Variants in SOX5 observed in about 807,000 individuals in gnomAD.
SOX5 encodes the protein SRY-box transcription factor 5, also known as transcription factor SOX-5.
SOX5 carries 9 observed loss-of-function variants against 92.0 expected under a neutral mutation model. That is an observed-to-expected ratio of 0.10 (90% CI 0.06 to 0.17). The LOEUF is 0.17. Ranked by LOEUF, SOX5 falls within the 10% of genes least tolerant of loss-of-function variation. SOX5 has a pLI of 1.00. For missense variants in SOX5, 642 were observed against 944.5 expected (o/e 0.68, Z 4.20); for synonymous variants, 344 against 336.3 (o/e 1.02, Z -0.25).
chr12:24,537,509 A>G (rs1951745757), intron 1 of SOX5, among the ~76,000 whole-genome samples: 1 of 152,232 alleles, frequency 6.6e-6, no homozygotes, highest in Non-Finnish European at 1.5e-5. Context: ...CGTCAACTGC[A>G]GTATATAACA....
intron 4 of SOX5, among the ~76,000 whole-genome samples, chr12:23,979,705 TTG>T (rs1344518431): frequency 0.038 from 2,859 of 75,780 alleles, 1,014 homozygotes; most frequent in African/African-American, 0.083. Flanking sequence ...TATGTTTTTT[TTG>T]TTTTTTTTTT....
chr12:24,045,783 G>C (rs1054033919), intron 4 of SOX5, among the ~76,000 whole-genome samples: 47 of 152,332 alleles, frequency 3.1e-4, no homozygotes, highest in African/African-American at 1.1e-3. Context: ...CCTCTGTACA[G>C]GGGAATCCTT....
At chr12:24,417,734 T>C (rs1294610052) in intron 1 of SOX5, among the ~76,000 whole-genome samples, 1 of 152,132 alleles carries the variant, frequency 6.6e-6, no homozygotes, top group Non-Finnish European at 1.5e-5. Flanking sequence ...TCTGGAAGCC[T>C]GGAGAAAAGG....
At chr12:23,753,997 GT>G (rs2141211169) in intron 4 of SOX5, among the ~76,000 whole-genome samples, 1 of 151,882 alleles carries the variant, frequency 6.6e-6, no homozygotes, top group Non-Finnish European at 1.5e-5. Context: ...AGAAAACAGT[GT>G]TTTGAACAGA....
At chr12:23,599,401 G>A (rs538913148) in intron 9 of SOX5, among the ~76,000 whole-genome samples, 37 of 152,284 alleles carry the variant, frequency 2.4e-4, no homozygotes, top group Admixed American at 3.9e-4. Context: ...AGAAGTATTC[G>A]AAAAGAACAA....
chr12:23,766,669 C>A (rs529140507), intron 3 of SOX5, among the ~76,000 whole-genome samples: 6 of 152,122 alleles, frequency 3.9e-5, no homozygotes, highest in Admixed American at 6.5e-5. Flanking sequence ...TTTACTAACA[C>A]CACACTATCA....
chr12:24,504,765 C>T (rs1424332878), intron 1 of SOX5, among the ~76,000 whole-genome samples: 1 of 152,036 alleles, frequency 6.6e-6, no homozygotes, highest in Non-Finnish European at 1.5e-5. Flanking sequence ...ACATTATTTC[C>T]TTTGAGTTCA....
chr12:23,682,347 G>A lies in SOX5; in HGVS notation c.811-16783C>T, dbSNP rs560172701. On this transcript the variant is annotated intron_variant, in intron 6 of 14. Coordinates refer to ENST00000451604, the MANE Select transcript of SOX5 (RefSeq NM_006940.6). Reference sequence around the variant, plus strand: ...TTTGCCTTTAACTTTAGGTTTATGAGGTATATTTTAGAAGAGGCTGAAACA... The same window carrying A: ...TTTGCCTTTAACTTTAGGTTTATGAAGTATATTTTAGAAGAGGCTGAAACA... Among the ~76,000 whole-genome samples, 451 of 151,828 alleles carry A rather than the reference G, an allele frequency of 3.0e-3. 2 individuals are homozygous for A. The highest frequency in any genetic ancestry group is 9.8e-3 in the African/African-American group (406 of 41,522).
At chr12:24,446,907 C>A (rs558248816) in intron 1 of SOX5, among the ~76,000 whole-genome samples, 4 of 152,104 alleles carry the variant, frequency 2.6e-5, no homozygotes, top group African/African-American at 9.7e-5. Flanking sequence ...CAGAAGCCAA[C>A]CTGAAGGAGC....
chr12:23,614,799 A>G (rs540016775), intron 8 of SOX5, among the ~76,000 whole-genome samples: 53 of 152,100 alleles, frequency 3.5e-4, no homozygotes, highest in Non-Finnish European at 6.5e-4. Flanking sequence ...CAGTTTCTCT[A>G]TATTTTCTTT....
chr12:23,991,217 G>A, intron 4 of SOX5, among the ~76,000 whole-genome samples: 1 of 150,218 alleles, frequency 6.7e-6, no homozygotes, highest in East Asian at 2.0e-4. Context: ...TTAAAAATTA[G>A]CCAGGCATGG....
At chr12:24,149,892 T>C (rs753189962) in intron 4 of SOX5, among the ~76,000 whole-genome samples, 1 of 152,026 alleles carries the variant, frequency 6.6e-6, no homozygotes, top group East Asian at 1.9e-4. Context: ...ATAATTATGG[T>C]GAGTAAAACC....
At chr12:23,995,141 G>A (rs1388705481) in intron 4 of SOX5, among the ~76,000 whole-genome samples, 1 of 152,162 alleles carries the variant, frequency 6.6e-6, no homozygotes, top group Non-Finnish European at 1.5e-5. Flanking sequence ...AACAAGATTT[G>A]TGAGAGTCTT....
intron 4 of SOX5, among the ~76,000 whole-genome samples, chr12:24,168,657 T>A (rs1184917814): frequency 6.6e-6 from 1 of 152,116 alleles, no homozygotes; most frequent in African/African-American, 2.4e-5. Flanking sequence ...GCCACTTTAA[T>A]GAGACACAGA....
In SOX5 at chr12:23,885,604, G is replaced by A. The variant is rs191740453; in HGVS notation, c.270+10189C>T. 1.8e-3 allele frequency among the ~76,000 whole-genome samples: 273 copies of A among 152,182 alleles called. 2 individuals carry two copies. The highest frequency in any genetic ancestry group is 5.6e-3 in the African/African-American group (231 of 41,502). On this transcript the variant is annotated intron_variant, in intron 2 of 14. Coordinates refer to ENST00000451604, the MANE Select transcript of SOX5 (RefSeq NM_006940.6). ...CACTTGTGTTCATTTGCTTTATCAC[G>A]TGATGTCAGTGTCACAGAGCTGGCC...
At chr12:24,540,123 A>T (rs1179824263) in intron 1 of SOX5, among the ~76,000 whole-genome samples, 1 of 152,122 alleles carries the variant, frequency 6.6e-6, no homozygotes, top group African/African-American at 2.4e-5. Context: ...ATTTAAATAA[A>T]ATTATACTGA....
rs370762778 is a variant in SOX5, at chr12:24,171,866, C to T, written c.-2+41477G>A. Among the ~76,000 whole-genome samples the T allele has an allele frequency of 5.9e-5, 9 of 152,046 alleles. No homozygotes were observed. In the East Asian group the frequency reaches 1.4e-3, roughly 23 times the overall value. ...AAAAAAGAAGAAGAAAGGACCCTGA[C>T]GCACTCTGATTGAGGGGGAAAGTTT... On this transcript the variant is annotated intron_variant, in intron 4 of 4. Transcript: ENST00000446891.
upstream of SOX5, chr12:23,950,799 A>C: frequency 7.1e-7 from 1 of 1,400,382 alleles, no homozygotes; most frequent in Non-Finnish European, 9.8e-7. Flanking sequence ...CAGCCGAGAA[A>C]GGTAATCAGG....
At chr12:23,570,217 G>T (rs1947907542) in intron 10 of SOX5, among the ~76,000 whole-genome samples, 1 of 151,988 alleles carries the variant, frequency 6.6e-6, no homozygotes, top group African/African-American at 2.4e-5. Context: ...CTATTTTTGT[G>T]GTCATTGATC....
Sources: gnomAD v4.1 joint callset for allele counts (sites outside exome capture counted in the v4.1 genomes callset) on GRCh38, gnomAD v4.1.1 for gene constraint, MANE v1.5 for transcripts, NCBI Gene and HGNC (gene_info 2026-07-23, HGNC 2026-07-21) for gene names.